The following TMEM68 variants were observed in gnomAD, a reference collection of about 807,000 sequenced individuals.
TMEM68 encodes the protein transmembrane protein 68, also known as DGAT1/2-independent enzyme synthesizing storage lipids.
In TMEM68, 25 loss-of-function variants were observed where a neutral mutation model predicts 36.9. That is an observed-to-expected ratio of 0.68 (90% CI 0.49 to 0.95). The LOEUF (loss-of-function observed/expected upper bound fraction) is 0.95, where lower values mean the gene tolerates loss of function less well. Among genes scored for constraint, TMEM68 ranks in the 40% least tolerant of loss-of-function variants. The pLI is 0.00. For missense variants in TMEM68, 333 were observed against 392.0 expected (o/e 0.85, Z 1.27); for synonymous variants, 131 against 124.4 (o/e 1.05, Z -0.35).
At chr8:55,760,646 C>T (rs1233033675) in intron 3 of TMEM68, 1 of 152,166 alleles carries the variant, frequency 6.6e-6, no homozygotes, top group Non-Finnish European at 1.5e-5. Flanking sequence ...AAAATAAAGA[C>T]TTCAGTCTAA....
intron 4 of TMEM68, 83 bp from the exon 5 acceptor site, chr8:55,751,240 G>GTGTAT (rs1810420962): frequency 8.1e-7 from 1 of 1,238,988 alleles, no homozygotes; most frequent in African/African-American, 1.5e-5. Context: ...AAACTACATA[G>GTGTAT]TGTACTATTT....
At position 55,745,061 on chromosome 8, in the gene TMEM68, T is replaced by C. The variant is rs1810230159; in HGVS notation, c.748A>G (p.Arg250Gly). The change falls in exon 6 of 8, where the codon AGG becomes GGG. Residue 250 changes from arginine (R) to glycine (G), a missense_variant and splice_region_variant. Arg to Gly is a moderately radical substitution (Grantham distance 125, BLOSUM62 -2). Coordinates refer to ENST00000434581, the MANE Select transcript of TMEM68 (RefSeq NM_001286657.2). ...REGFRSLGGT[R>G]LFRWLYEKFR... Reference sequence around the variant, plus strand: ...TAAAACCATACAAATCAGAACTTACTTGTTCCTCCAAGTGATCTAAATCCT... The same window carrying C: ...TAAAACCATACAAATCAGAACTTACCTGTTCCTCCAAGTGATCTAAATCCT... The C allele has an allele frequency of 6.7e-7, 1 of 1,494,518 alleles. No individual in the cohort carries two copies. The highest frequency in any genetic ancestry group is 8.9e-7 in the Non-Finnish European group (1 of 1,126,508). The allele number at this position is 1,494,518 out of a possible 1,614,324, so 92.6% of individuals were successfully genotyped here.
At position 55,761,203 on chromosome 8, in the gene TMEM68, T is replaced by C. The variant is rs555266625; in HGVS notation, c.325+1432A>G. ...CATACTACTCCCTGCTGAGAAAGTA[T>C]CAGTGCATTACCACTCTAGTCCAAC... is the stretch of plus-strand genomic sequence containing the variant. On this transcript the variant is annotated intron_variant, in intron 3 of 7. Coordinates refer to ENST00000434581, the MANE Select transcript of TMEM68 (RefSeq NM_001286657.2). 3 of 152,342 alleles carry C rather than the reference T, an allele frequency of 2.0e-5. No homozygotes were observed. In the East Asian group the frequency reaches 5.8e-4, roughly 29 times the overall value. The allele number at this position is 152,342 out of a possible 1,614,324, so 9.4% of individuals were successfully genotyped here. A position where few individuals can be genotyped will look rare whatever the true frequency, so the allele number is the denominator to read the frequency against.
chr8:55,755,797 AT>A (rs149169722), intron 4 of TMEM68, among the ~76,000 whole-genome samples: 3 of 152,220 alleles, frequency 2.0e-5, no homozygotes, highest in Non-Finnish European at 4.4e-5. Flanking sequence ...ACTTAAAAAA[AT>A]AACAATACCT....
chr8:55,769,018 T>TTAAAA (rs1554556017), intron 1 of TMEM68, among the ~76,000 whole-genome samples: 3 of 82,090 alleles, frequency 3.7e-5, no homozygotes, highest in African/African-American at 1.5e-4. Context: ...ACTCTGTCTT[T>TTAAAA]AAAAAAAAAA....
In TMEM68 at chr8:55,749,261, C is replaced by T. The variant is rs570008372; in HGVS notation, c.687+1703G>A. Among the ~76,000 whole-genome samples the T allele has an allele frequency of 1.1e-4, 16 of 152,268 alleles. No homozygotes were observed. The South Asian group carries it at 3.1e-3, about 30-fold the overall frequency. On this transcript the variant is annotated intron_variant, in intron 5 of 7. Coordinates refer to ENST00000434581, the MANE Select transcript of TMEM68 (RefSeq NM_001286657.2). ...ATTATATCAAAAAGTCTGTCACTTT[C>T]GAATAAACCTTAATATTTTCTACCA... is the stretch of plus-strand genomic sequence containing the variant.
intron 4 of TMEM68, among the ~76,000 whole-genome samples, chr8:55,751,922 A>T (rs751673930): frequency 1.3e-4 from 20 of 152,222 alleles, no homozygotes; most frequent in Non-Finnish European, 2.8e-4. Context: ...AAAACTACGC[A>T]GACTGGTCAG....
At position 55,751,174 on chromosome 8, in the gene TMEM68, T is replaced by G. The variant is rs762748577; in HGVS notation, c.494-17A>C. The G allele has an allele frequency of 3.8e-6, 6 of 1,570,112 alleles. No individual in the cohort carries two copies. The Admixed American group carries it at 1.2e-4, about 32-fold the overall frequency. On this transcript the variant is annotated splice_polypyrimidine_tract_variant and intron_variant, in intron 4 of 7. Coordinates refer to ENST00000434581, the MANE Select transcript of TMEM68 (RefSeq NM_001286657.2). ...AACTAAACCCTGTAAGAAACATGAG[T>G]ATGAAGTTACAACATAAGTATTTCT... is the stretch of plus-strand genomic sequence containing the variant.
chr8:55,742,828 T>C (rs1395705860), intron 7 of TMEM68, among the ~76,000 whole-genome samples: 2 of 151,882 alleles, frequency 1.3e-5, no homozygotes, highest in Non-Finnish European at 2.9e-5. Flanking sequence ...TGTAGTTTTA[T>C]ACTCTCTGAA....
intron 5 of TMEM68, among the ~76,000 whole-genome samples, chr8:55,748,708 G>C (rs1810352977): frequency 6.6e-6 from 1 of 152,046 alleles, no homozygotes; most frequent in Admixed American, 6.6e-5. Flanking sequence ...CCAGGCTCCA[G>C]TCATCCTCCA....
rs1810039571 is a variant in TMEM68 at position 55,739,693 on chromosome 8, T to A, written c.*439A>T. Reference sequence around the variant, plus strand: ...AAAACATTACGTGACTTGCCCAAGGTCATGAAGGGAATGAGGGGCAGACAA... The same window carrying A: ...AAAACATTACGTGACTTGCCCAAGGACATGAAGGGAATGAGGGGCAGACAA... On this transcript the variant is annotated 3_prime_UTR_variant, in exon 8 of 8. Coordinates refer to ENST00000434581, the MANE Select transcript of TMEM68 (RefSeq NM_001286657.2). 6.5e-6 allele frequency: 1 copy of A among 153,404 alleles called. No homozygotes were observed. Among genetic ancestry groups the A allele is most frequent in the Non-Finnish European group, 1.5e-5 (1 of 68,818 alleles). 9.5% of individuals were successfully genotyped at this position (153,404 alleles called of 1,614,324 possible).
intron 3 of TMEM68, among the ~76,000 whole-genome samples, chr8:55,760,477 T>G (rs1810749317): frequency 6.6e-6 from 1 of 152,232 alleles, no homozygotes; most frequent in Admixed American, 6.5e-5. Context: ...AAGTAAGTTC[T>G]TAGGGCCATA....
intron 7 of TMEM68, among the ~76,000 whole-genome samples, chr8:55,740,666 T>C (rs1306108781): frequency 6.6e-6 from 1 of 152,128 alleles, no homozygotes; most frequent in Non-Finnish European, 1.5e-5. Flanking sequence ...AGTAGGCAAA[T>C]GGAAGACTTA....
intron 3 of TMEM68, 99 bp from the exon 4 acceptor site, chr8:55,756,510 T>C: frequency 9.5e-7 from 1 of 1,050,916 alleles, no homozygotes. Flanking sequence ...AAAAGTACAC[T>C]AGTCTTCCTG....
At chr8:55,770,084 T>C (rs182361224) in intron 1 of TMEM68, among the ~76,000 whole-genome samples, 42 of 152,314 alleles carry the variant, frequency 2.8e-4, no homozygotes, top group Non-Finnish European at 5.6e-4. Context: ...TAAATCTCAA[T>C]GCAACCCCTT....
At position 55,762,625 on chromosome 8, in the gene TMEM68, C is replaced by G. The variant is rs771804979; in HGVS notation, c.325+10G>C. On this transcript the variant is annotated intron_variant, in intron 3 of 7. Coordinates refer to ENST00000434581, the MANE Select transcript of TMEM68 (RefSeq NM_001286657.2). ...AATGGCAACACAAAGGTGAAAGTATCCTTGCTTACCATGCCAAACGGCTGC... is the reference window on the plus strand; with the variant it reads ...AATGGCAACACAAAGGTGAAAGTATGCTTGCTTACCATGCCAAACGGCTGC... 3.7e-6 allele frequency: 6 copies of G among 1,614,132 alleles called. 1 individual carries two copies. The Admixed American group carries it at 1.0e-4, about 27-fold the overall frequency.
intron 1 of TMEM68, among the ~76,000 whole-genome samples, chr8:55,766,344 A>G (rs1465887728): frequency 1.4e-5 from 2 of 148,000 alleles, no homozygotes; most frequent in African/African-American, 5.0e-5. Flanking sequence ...TGGACCAGAG[A>G]GGCAACACTG....
intron 5 of TMEM68, 30 bp from the exon 6 acceptor site, chr8:55,745,151 G>A: frequency 7.2e-7 from 1 of 1,386,748 alleles, no homozygotes; most frequent in Non-Finnish European, 9.6e-7. Context: ...GAATTAAAAA[G>A]TAAATAAATT....
intron 6 of TMEM68, among the ~76,000 whole-genome samples, chr8:55,744,427 T>C (rs1034536561): frequency 2.7e-5 from 4 of 148,214 alleles, no homozygotes; most frequent in Admixed American, 6.8e-5. Flanking sequence ...TGCCTCAGCC[T>C]CCTGAGTAGC....
Sources: allele counts gnomAD v4.1 joint callset (sites outside exome capture counted in the v4.1 genomes callset), GRCh38; gene constraint gnomAD v4.1.1; transcripts MANE v1.5; gene names NCBI Gene and HGNC (gene_info 2026-07-23, HGNC 2026-07-21).